Variants in GID4 observed in about 807,000 individuals in gnomAD.
The protein encoded by GID4 is glucose-induced degradation protein 4 homolog.
GID4 carries 7 observed loss-of-function variants against 32.4 expected under a neutral mutation model. The observed-to-expected ratio is 0.22, with a 90% CI of 0.12 to 0.41. The LOEUF (loss-of-function observed/expected upper bound fraction) is 0.41, where lower values mean the gene tolerates loss of function less well. Ranked by LOEUF, GID4 falls within the 10% of genes least tolerant of loss-of-function variation. The pLI is 1.00. For missense variants in GID4, 309 were observed against 400.0 expected (o/e 0.77, Z 1.94); for synonymous variants, 166 against 170.0 (o/e 0.98, Z 0.18).
chr17:18,053,975 G>A, intron 2 of GID4, 152 bp from the exon 3 acceptor site: 1 of 464,636 alleles, frequency 2.2e-6, no homozygotes, highest in East Asian at 3.4e-5. Context: ...CAGCCTGTTG[G>A]CAAACTGGCT....
chr17:18,047,879 A>G (rs1259145666), intron 2 of GID4, among the ~76,000 whole-genome samples: 3 of 152,124 alleles, frequency 2.0e-5, no homozygotes, highest in African/African-American at 7.2e-5. Flanking sequence ...TAGTGTATTC[A>G]CAAAGTTGTG....
intron 3 of GID4, among the ~76,000 whole-genome samples, chr17:18,055,562 C>T (rs1407850726): frequency 6.6e-6 from 1 of 152,138 alleles, no homozygotes; most frequent in Non-Finnish European, 1.5e-5. Flanking sequence ...GATTATAGCT[C>T]ACTATAGCCT....
Position 18,065,599 on chromosome 17 carries a change from C to T in GID4, c.*356C>T. Reference sequence around the variant, plus strand: ...GAATAGAAGGTCTGCTCCCGGATCACCCTCAGCCTTGGTGCTCAGTGGTCC... The same window carrying T: ...GAATAGAAGGTCTGCTCCCGGATCATCCTCAGCCTTGGTGCTCAGTGGTCC... On this transcript the variant is annotated 3_prime_UTR_variant, in exon 6 of 6. Coordinates refer to ENST00000268719, the MANE Select transcript of GID4 (RefSeq NM_024052.5). 3.2e-6 allele frequency: 1 copy of T among 316,410 alleles called. No individual in the cohort carries two copies. The highest frequency in any genetic ancestry group is 6.1e-6 in the Non-Finnish European group (1 of 162,816). 19.6% of individuals were successfully genotyped at this position (316,410 alleles called of 1,614,324 possible). A position where few individuals can be genotyped will look rare whatever the true frequency, so the allele number is the denominator to read the frequency against.
At chr17:18,055,410 C>T (rs1488662912) in intron 3 of GID4, among the ~76,000 whole-genome samples, 3 of 152,128 alleles carry the variant, frequency 2.0e-5, no homozygotes, top group African/African-American at 4.8e-5. Flanking sequence ...AGAGAACTCC[C>T]GCAGACCCTT....
chr17:18,059,051 C>T, intron 4 of GID4, 82 bp downstream of exon 4: 2 of 769,536 alleles, frequency 2.6e-6, no homozygotes, highest in Non-Finnish European at 2.3e-6. Context: ...TAACCAAGGG[C>T]TCCCCATGTC....
Position 18,062,075 on chromosome 17 carries a change from G to C in GID4, c.839+100G>C, listed in dbSNP as rs959866985. 4 of 1,151,096 alleles carry C rather than the reference G, an allele frequency of 3.5e-6. No homozygotes were observed. The Admixed American group carries it at 7.3e-5, about 21-fold the overall frequency. 71.3% of individuals were successfully genotyped at this position (1,151,096 alleles called of 1,614,324 possible). A position where few individuals can be genotyped will look rare whatever the true frequency, so the allele number is the denominator to read the frequency against. On this transcript the variant is annotated intron_variant, in intron 5 of 5. Coordinates refer to ENST00000268719, the MANE Select transcript of GID4 (RefSeq NM_024052.5). ...AAAAGCAACATCTTAGCCTGTCTCT[G>C]TATAGATTCTGTGCTTTATTTGGAT...
intron 2 of GID4, among the ~76,000 whole-genome samples, chr17:18,049,241 CAAGAG>C (rs909780760): frequency 1.4e-5 from 2 of 148,124 alleles, no homozygotes; most frequent in African/African-American, 5.0e-5. Context: ...GAGGCTGAGG[CAAGAG>C]AATCGCTTGA....
chr17:18,055,859 G>A (rs964609283), intron 3 of GID4, among the ~76,000 whole-genome samples: 4 of 151,812 alleles, frequency 2.6e-5, no homozygotes, highest in Non-Finnish European at 1.5e-5. Flanking sequence ...TTGGTTTTGA[G>A]ACAGAGTCTC....
chr17:18,056,798 A>G (rs1257677051), intron 3 of GID4: 1 of 1,550,532 alleles, frequency 6.4e-7, no homozygotes, highest in Non-Finnish European at 8.7e-7. Flanking sequence ...TGGTACTGGC[A>G]TGTGAGGTGT....
Position 18,065,167 on chromosome 17 carries a change from C to A in GID4, c.840-13C>A. The A allele has an allele frequency of 6.2e-7, 1 of 1,610,010 alleles. No individual in the cohort carries two copies. The highest frequency in any genetic ancestry group is 1.1e-5 in the South Asian group (1 of 90,996). On this transcript the variant is annotated splice_polypyrimidine_tract_variant and intron_variant, in intron 5 of 5. Coordinates refer to ENST00000268719, the MANE Select transcript of GID4 (RefSeq NM_024052.5). ...GATGACTACCTCCCGTTTCTGTCTC[C>A]TCCCCCTTGCAGGTATCAGTCCCTC...
intron 2 of GID4, among the ~76,000 whole-genome samples, chr17:18,046,488 G>C (rs12948749): frequency 5.3e-5 from 8 of 151,636 alleles, no homozygotes; most frequent in Non-Finnish European, 1.2e-4. Context: ...TGTGCCTGTA[G>C]TCCTAGCTAC....
intron 2 of GID4, 90 bp downstream of exon 2, chr17:18,045,296 T>C: frequency 1.1e-6 from 1 of 926,752 alleles, no homozygotes; most frequent in East Asian, 2.4e-5. Flanking sequence ...TCTCAACTCC[T>C]TGAGGCCTAA....
intron 2 of GID4, among the ~76,000 whole-genome samples, chr17:18,052,462 A>C (rs2044921441): frequency 6.6e-6 from 1 of 152,182 alleles, no homozygotes; most frequent in Admixed American, 6.5e-5. Flanking sequence ...TTTTTGATGC[A>C]GAATAAGAGG....
At chr17:18,060,181 C>T (rs1377060990) in intron 4 of GID4, among the ~76,000 whole-genome samples, 2 of 151,190 alleles carry the variant, frequency 1.3e-5, no homozygotes, top group African/African-American at 2.4e-5. Context: ...AGCCAGATCA[C>T]GAGGTCAGGA....
intron 3 of GID4, among the ~76,000 whole-genome samples, chr17:18,054,998 CG>C (rs770796088): frequency 9.3e-4 from 142 of 152,016 alleles, no homozygotes; most frequent in Non-Finnish European, 9.9e-4. Flanking sequence ...GGTGAAACCT[CG>C]TCTCTACCAA....
At position 18,039,693 on chromosome 17, in the gene GID4, C is replaced by T; in HGVS notation, c.229C>T (p.Leu77=). The change falls in exon 1 of 6, where the codon CTG becomes TTG. Residue 77 remains leucine (L), a synonymous_variant. Coordinates refer to ENST00000268719, the MANE Select transcript of GID4 (RefSeq NM_024052.5). The surrounding 1 kb of genome is among the most constrained non-coding windows in gnomAD (Gnocchi z 5.3). ...AAVPLPLPPA[L]APGDPAMPVR... ...GGTTCCTCTCCCACTCCCCCCAGCC[C>T]TGGCTCCGGGGGACCCCGCGATGCC... 1 of 1,471,650 alleles carries T rather than the reference C, an allele frequency of 6.8e-7. No individual in the cohort carries two copies. The allele number at this position is 1,471,650 out of a possible 1,614,324, so 91.2% of individuals were successfully genotyped here. A position where few individuals can be genotyped will look rare whatever the true frequency, so the allele number is the denominator to read the frequency against.
intron 3 of GID4, among the ~76,000 whole-genome samples, chr17:18,055,607 G>A (rs1055986109): frequency 1.3e-5 from 2 of 151,336 alleles, no homozygotes; most frequent in Non-Finnish European, 2.9e-5. Context: ...TCCCACCTCC[G>A]CGCCCCAAGT....
At chr17:18,045,262 CT>C (rs2044841662) in intron 2 of GID4, 56 bp downstream of exon 2, 2 of 1,410,062 alleles carry the variant, frequency 1.4e-6, no homozygotes, top group Admixed American at 1.7e-5. Flanking sequence ...GCTCCACAGG[CT>C]CATTGGGGTT....
In GID4 at chr17:18,066,243, T is replaced by G. The variant is rs1461643303; in HGVS notation, c.*1000T>G. The G allele has an allele frequency of 6.6e-6, 1 of 152,556 alleles. No homozygotes were observed. The highest frequency in any genetic ancestry group is 2.4e-5 in the African/African-American group (1 of 41,422). The allele number at this position is 152,556 out of a possible 1,614,324, so 9.5% of individuals were successfully genotyped here. On this transcript the variant is annotated 3_prime_UTR_variant, in exon 6 of 6. Transcript: ENST00000268719. ...AAAAGTTTTGCAGCATTGCCTAAAT[T>G]ATAGTGCTCAACACAAGAACTGTTT...
Sources: allele counts gnomAD v4.1 joint callset (sites outside exome capture counted in the v4.1 genomes callset), GRCh38; gene constraint gnomAD v4.1.1; non-coding constraint Gnocchi (gnomAD v3.1); transcripts MANE v1.5; gene names NCBI Gene and HGNC (gene_info 2026-07-23, HGNC 2026-07-21).